ABCA13: variants seen among roughly 807,000 people sequenced by gnomAD.
The protein encoded by ABCA13 is ATP-binding cassette sub-family A member 13.
ABCA13 carries 476 observed loss-of-function variants against 478.7 expected under a neutral mutation model. The ratio of observed to expected loss-of-function variants is 0.99; its 90% CI spans 0.92 to 1.07. The LOEUF is 1.07. Ranked by LOEUF, ABCA13 falls within the 50% of genes least tolerant of loss-of-function variation. The pLI, the probability that ABCA13 is intolerant of heterozygous loss-of-function variation, is 0.00. For synonymous variants in ABCA13, 2,252 were observed against 2,158.9 expected (o/e 1.04, Z -1.20); for missense variants, 6,060 against 5,910.6 (o/e 1.03, Z -0.83).
chr7:48,338,740 C>T (rs960769351), intron 29 of ABCA13, among the ~76,000 whole-genome samples: 13 of 152,100 alleles, frequency 8.5e-5, no homozygotes, highest in Non-Finnish European at 1.9e-4. Flanking sequence ...TTGTGAATTA[C>T]AAAACAAGTT....
At chr7:48,563,821 TGTGTGTGTGTG>T (rs1563442649) in intron 55 of ABCA13, among the ~76,000 whole-genome samples, 12 of 151,528 alleles carry the variant, frequency 7.9e-5, no homozygotes, top group South Asian at 4.2e-4. Flanking sequence ...TGTGTGTGTG[TGTGTGTGTGTG>T]TGTGTGTTTT....
chr7:48,431,592 G>C (rs1358460231), intron 42 of ABCA13, among the ~76,000 whole-genome samples: 1 of 152,012 alleles, frequency 6.6e-6, no homozygotes, highest in African/African-American at 2.4e-5. Context: ...ATAAAATTTG[G>C]GTATTGATAT....
In ABCA13 at chr7:48,274,523, A is replaced by G. The variant is rs746266970; in HGVS notation, c.4857A>G (p.Ile1619Met). The change falls in exon 17 of 62, where the codon ATA (isoleucine) becomes ATG (methionine). Residue 1619 changes from isoleucine to methionine, a missense_variant. By Grantham distance (10) the Ile-to-Met change is conservative. This residue lies in a region of ABCA13 where 4,423 missense variants were observed against 4,309.1 expected (regional missense o/e 1.03). Coordinates refer to ENST00000435803, the MANE Select transcript of ABCA13 (RefSeq NM_152701.5). Reference protein sequence around the residue: ...SHDLQNSPKIIISPEIMKATG... With the variant: ...SHDLQNSPKIMISPEIMKATG... ...ACCTCCAAAATTCACCAAAAATAATAATTTCACCTGAAATAATGAAAGCTA... is the reference window on the plus strand; with the variant it reads ...ACCTCCAAAATTCACCAAAAATAATGATTTCACCTGAAATAATGAAAGCTA... 1.2e-6 allele frequency: 2 copies of G among 1,613,854 alleles called. No individual in the cohort carries two copies. Among genetic ancestry groups the G allele is most frequent in the Non-Finnish European group, 1.7e-6 (2 of 1,179,846 alleles).
At chr7:48,583,926 T>C (rs1019446150) in intron 56 of ABCA13, among the ~76,000 whole-genome samples, 1 of 152,256 alleles carries the variant, frequency 6.6e-6, no homozygotes, top group African/African-American at 2.4e-5. Flanking sequence ...TACTCTGGAA[T>C]CTTTCCTATG....
Position 48,335,419 on chromosome 7 carries a change from C to A in ABCA13, c.10000-3C>A, listed in dbSNP as rs192244828. The A allele has an allele frequency of 2.5e-6, 4 of 1,582,102 alleles. No individual in the cohort carries two copies. The highest frequency in any genetic ancestry group is 3.5e-6 in the Non-Finnish European group (4 of 1,157,290). On this transcript the variant is annotated splice_polypyrimidine_tract_variant and splice_region_variant and intron_variant, in intron 27 of 61. Transcript: ENST00000435803. ...ACATATCCAAATATGCTTCATTTTG[C>A]AGGCTAATTACACCTTTTATATTGT...
At chr7:48,414,927 G>T (rs17132316) in intron 41 of ABCA13, among the ~76,000 whole-genome samples, 2,522 of 152,262 alleles carry the variant, frequency 0.017, 55 homozygotes, top group African/African-American at 0.057. Context: ...CGTAGCTTTG[G>T]AGTGACCACG....
intron 56 of ABCA13, among the ~76,000 whole-genome samples, chr7:48,584,003 A>G (rs908178279): frequency 6.6e-6 from 1 of 152,194 alleles, no homozygotes; most frequent in Non-Finnish European, 1.5e-5. Flanking sequence ...AACATGACAT[A>G]TGTTTCCTAA....
rs770825181 is a variant in ABCA13, at chr7:48,309,989, G to A, written c.9364G>A (p.Asp3122Asn). 24 of 1,613,762 alleles carry A rather than the reference G, an allele frequency of 1.5e-5. No individual in the cohort carries two copies. The highest frequency in any genetic ancestry group is 1.9e-5 in the Non-Finnish European group (22 of 1,179,818). Residue 3122 changes from aspartate (D) to asparagine (N), a missense_variant, in exon 24 of 62, where the codon GAT (aspartate) becomes AAT (asparagine). Asp to Asn is a conservative substitution (Grantham distance 23, BLOSUM62 1). This residue lies in a region of ABCA13 where 4,423 missense variants were observed against 4,309.1 expected (regional missense o/e 1.03). Coordinates refer to ENST00000435803, the MANE Select transcript of ABCA13 (RefSeq NM_152701.5). ...ALTVALSGKC[D>N]QEILHLLLTF... Reference sequence around the variant, plus strand: ...CACCGTAGCTCTGTCTGGAAAGTGTGATCAGGAAATCCTTCATCTCCTGCT... The same window carrying A: ...CACCGTAGCTCTGTCTGGAAAGTGTAATCAGGAAATCCTTCATCTCCTGCT...
In ABCA13 at chr7:48,219,475, A is replaced by G; in HGVS notation, c.409A>G (p.Arg137Gly). The part of the protein sequence containing the change: ...GMMDKAKNLK[R>G]LWVERSNTPD... ...GATGGACAAGGCAAAAAACTTAAAA[A>G]GACTTTGGGTAGAACGATCCAACAC... is the stretch of plus-strand genomic sequence containing the variant. The change falls in exon 4 of 62, where the codon AGA (arginine) becomes GGA (glycine). Residue 137 changes from arginine to glycine, a missense_variant. Coordinates refer to ENST00000435803, the MANE Select transcript of ABCA13 (RefSeq NM_152701.5). 3 of 1,613,368 alleles carry G rather than the reference A, an allele frequency of 1.9e-6. No individual in the cohort carries two copies. Among genetic ancestry groups the G allele is most frequent in the Non-Finnish European group, 2.5e-6 (3 of 1,179,670 alleles).
chr7:48,383,694 G>T (rs545757543), intron 35 of ABCA13, among the ~76,000 whole-genome samples: 1 of 152,282 alleles, frequency 6.6e-6, no homozygotes, highest in Admixed American at 6.5e-5. Context: ...AAAGTTTATA[G>T]AGAAGCAGGA....
rs563245679 is a variant in ABCA13, at chr7:48,594,601, G to A, written c.14641-109G>A. ...GCCAATTGGAGAGGTGTCTTTTAGA[G>A]CCAGAGCAGAGATTTTTCTTTCACC... On this transcript the variant is annotated intron_variant, in intron 57 of 61. Transcript: ENST00000435803. 2.4e-4 allele frequency: 232 copies of A among 956,812 alleles called. No individual in the cohort carries two copies. In the African/African-American group the frequency reaches 3.3e-3, roughly 14 times the overall value. 59.3% of individuals were successfully genotyped at this position (956,812 alleles called of 1,614,324 possible).
chr7:48,563,556 AC>A (rs776165071), intron 55 of ABCA13, among the ~76,000 whole-genome samples: 1 of 152,086 alleles, frequency 6.6e-6, no homozygotes, highest in Non-Finnish European at 1.5e-5. Context: ...GGAGCCTGAG[AC>A]CTTGACTGGG....
intron 55 of ABCA13, 24 bp downstream of exon 55, chr7:48,528,369 T>G (rs1833016001): frequency 2.0e-6 from 3 of 1,491,906 alleles, no homozygotes; most frequent in African/African-American, 2.8e-5. Flanking sequence ...TTCATCATTT[T>G]TGTTGCTTAA....
rs138350295 is a variant in ABCA13, at chr7:48,284,344, A to G, written c.8836+2892A>G. ...TGCATGTTTTTTTTTCTTTTAAGAT[A>G]ATCTGTATTTCCAATTAGATGTTAT... On this transcript the variant is annotated intron_variant, in intron 19 of 61. Coordinates refer to ENST00000435803, the MANE Select transcript of ABCA13 (RefSeq NM_152701.5). Among the ~76,000 whole-genome samples, 188 of 152,270 alleles carry G rather than the reference A, an allele frequency of 1.2e-3. 1 individual carries two copies. Among genetic ancestry groups the G allele is most frequent in the Middle Eastern group, 6.8e-3 (2 of 294 alleles).
intron 3 of ABCA13, among the ~76,000 whole-genome samples, chr7:48,201,733 C>CT (rs1401940231): frequency 6.6e-6 from 1 of 152,136 alleles, no homozygotes; most frequent in African/African-American, 2.4e-5. Context: ...AACAAAAAAT[C>CT]TTGAAGGCAA....
At chr7:48,604,457 C>T (rs916747532) in intron 58 of ABCA13, among the ~76,000 whole-genome samples, 1 of 152,128 alleles carries the variant, frequency 6.6e-6, no homozygotes, top group African/African-American at 2.4e-5. Flanking sequence ...TTTCAAAGAA[C>T]ATCTTTATTT....
intron 58 of ABCA13, among the ~76,000 whole-genome samples, chr7:48,614,428 C>G (rs1247538898): frequency 6.6e-6 from 1 of 151,280 alleles, no homozygotes; most frequent in African/African-American, 2.4e-5. Context: ...CACTTTTACA[C>G]TGTTGGTGGG....
intron 35 of ABCA13, among the ~76,000 whole-genome samples, chr7:48,381,414 G>A (rs182280145): frequency 5.0e-4 from 76 of 151,798 alleles, no homozygotes; most frequent in African/African-American, 1.8e-3. Context: ...CCATACCTCA[G>A]ACAAATACTT....
At position 48,278,870 on chromosome 7, in the gene ABCA13, A is replaced by G. The variant is rs761381303; in HGVS notation, c.7676A>G (p.Tyr2559Cys). 5.0e-6 allele frequency: 8 copies of G among 1,613,380 alleles called. No homozygotes were observed. The East Asian group carries it at 1.8e-4, about 36-fold the overall frequency. Residue 2559 changes from tyrosine to cysteine, a missense_variant, in exon 18 of 62, where the codon TAT becomes TGT. Coordinates refer to ENST00000435803, the MANE Select transcript of ABCA13 (RefSeq NM_152701.5). ...AGTGTGAAATTCTTTGACACTCTGT[A>G]TTCCATCATGCAACAAAGTGTTCAA... ...KDSVKFFDTL[Y>C]SIMQQSVQNL...
Sources: allele counts gnomAD v4.1 joint callset (sites outside exome capture counted in the v4.1 genomes callset), GRCh38; gene constraint gnomAD v4.1.1; regional missense constraint gnomAD v4.1.1; transcripts MANE v1.5; gene names NCBI Gene and HGNC (gene_info 2026-07-23, HGNC 2026-07-21).